FMNL2: variants seen among roughly 807,000 people sequenced by gnomAD.
FMNL2 encodes the protein formin-like protein 2.
In FMNL2, 51 loss-of-function variants were observed where a neutral mutation model predicts 130.2. That is an observed-to-expected ratio of 0.39 (90% CI 0.31 to 0.49). The LOEUF (loss-of-function observed/expected upper bound fraction) is 0.49, where lower values mean the gene tolerates loss of function less well. FMNL2 is among the 20% of genes least tolerant of loss of function. The pLI is 0.85. For missense variants in FMNL2, 977 were observed against 1,316.2 expected (o/e 0.74, Z 3.99); for synonymous variants, 465 against 467.1 (o/e 1.00, Z 0.06).
At chr2:152,350,049 A>G (rs1195672332) in intron 1 of FMNL2, among the ~76,000 whole-genome samples, 1 of 152,180 alleles carries the variant, frequency 6.6e-6, no homozygotes, top group Non-Finnish European at 1.5e-5. Context: ...AAGGGGATGC[A>G]CAGGTACAGA....
chr2:152,507,539 G>A (rs761368051), intron 1 of FMNL2, among the ~76,000 whole-genome samples: 2 of 152,184 alleles, frequency 1.3e-5, no homozygotes, highest in African/African-American at 2.4e-5. Flanking sequence ...TCCGCTTGGA[G>A]TAGATACTGT....
intron 1 of FMNL2, chr2:152,390,651 C>T: frequency 3.6e-6 from 3 of 829,794 alleles, no homozygotes; most frequent in Non-Finnish European, 6.4e-6. Context: ...GCTTTTTCCT[C>T]CCTGAACTCT....
At chr2:152,525,163 A>G (rs1444070643) in intron 2 of FMNL2, among the ~76,000 whole-genome samples, 1 of 152,198 alleles carries the variant, frequency 6.6e-6, no homozygotes, top group African/African-American at 2.4e-5. Context: ...GTTGCCTGTT[A>G]TACCAGGGAT....
At chr2:152,350,120 G>A (rs1350752982) in intron 1 of FMNL2, among the ~76,000 whole-genome samples, 1 of 152,182 alleles carries the variant, frequency 6.6e-6, no homozygotes, top group Non-Finnish European at 1.5e-5. Flanking sequence ...ATGTGAAGTG[G>A]TGTCATCCCG....
intron 1 of FMNL2, among the ~76,000 whole-genome samples, chr2:152,378,383 G>A (rs1041057499): frequency 2.6e-5 from 4 of 152,088 alleles, no homozygotes; most frequent in African/African-American, 9.7e-5. Flanking sequence ...GAATACCAGT[G>A]GTTTTCTTAG....
At chr2:152,579,159 C>T (rs779010499) in intron 8 of FMNL2, among the ~76,000 whole-genome samples, 195 bp downstream of exon 8, 2 of 152,174 alleles carry the variant, frequency 1.3e-5, no homozygotes, top group South Asian at 2.1e-4. Context: ...AGTTGAGCAA[C>T]TGGTGACAAT....
At chr2:152,480,881 GC>G (rs1437491190) in intron 1 of FMNL2, among the ~76,000 whole-genome samples, 1 of 152,114 alleles carries the variant, frequency 6.6e-6, no homozygotes, top group African/African-American at 2.4e-5. Context: ...GTGAAATGAA[GC>G]CTGGTGTTTT....
intron 2 of FMNL2, among the ~76,000 whole-genome samples, chr2:152,528,941 T>C (rs1276789024): frequency 6.6e-6 from 1 of 152,136 alleles, no homozygotes; most frequent in African/African-American, 2.4e-5. Flanking sequence ...CTGGGAAGTC[T>C]GTGGGCCAGG....
intron 2 of FMNL2, among the ~76,000 whole-genome samples, chr2:152,526,997 A>T (rs1370488233): frequency 6.6e-6 from 1 of 152,138 alleles, no homozygotes; most frequent in African/African-American, 2.4e-5. Context: ...ATAATCTGGT[A>T]CAGGATCAGT....
chr2:152,622,130 G>C (rs1384990421), intron 15 of FMNL2, among the ~76,000 whole-genome samples: 1 of 152,142 alleles, frequency 6.6e-6, no homozygotes, highest in Non-Finnish European at 1.5e-5. Context: ...CTTTCCCCCG[G>C]TAGGTCACCT....
chr2:152,525,045 A>G (rs1329529613), intron 2 of FMNL2, among the ~76,000 whole-genome samples: 1 of 152,146 alleles, frequency 6.6e-6, no homozygotes, highest in East Asian at 1.9e-4. Context: ...TTTATAGATG[A>G]TGAAACTGAG....
chr2:152,391,399 C>T (rs1214346969), intron 1 of FMNL2, among the ~76,000 whole-genome samples: 1 of 152,168 alleles, frequency 6.6e-6, no homozygotes, highest in African/African-American at 2.4e-5. Flanking sequence ...TAAAGCATAA[C>T]TGAAGGCAGT....
chr2:152,518,784 G>A (rs1692915519), intron 1 of FMNL2, among the ~76,000 whole-genome samples: 1 of 152,154 alleles, frequency 6.6e-6, no homozygotes, highest in South Asian at 2.1e-4. Flanking sequence ...CACTTGAACT[G>A]CTTAGTCCTG....
chr2:152,582,709 T>C (rs2105733434), intron 9 of FMNL2, among the ~76,000 whole-genome samples: 1 of 152,298 alleles, frequency 6.6e-6, no homozygotes. Context: ...GAAGTATGTT[T>C]GGGTGGATGG....
At chr2:152,360,184 G>T (rs1683080368) in intron 1 of FMNL2, among the ~76,000 whole-genome samples, 2 of 152,204 alleles carry the variant, frequency 1.3e-5, no homozygotes, top group Non-Finnish European at 2.9e-5. Flanking sequence ...TTGCTCTTCA[G>T]ATGTATCTTA....
rs567559340 is a variant in FMNL2 at position 152,637,035 on chromosome 2, A to G, written c.2844+445A>G. Among the ~76,000 whole-genome samples the G allele has an allele frequency of 6.8e-4, 103 of 152,278 alleles. 1 individual carries two copies. Among genetic ancestry groups the G allele is most frequent in the Admixed American group, 1.2e-3 (18 of 15,298 alleles). ...TACGCTATCAGAAGAGGCAGAGGCA[A>G]AGTTGGGGGATGGGGACTCAGAAAG... is the stretch of plus-strand genomic sequence containing the variant. On this transcript the variant is annotated intron_variant, in intron 22 of 25. Transcript: ENST00000288670.
At chr2:152,521,630 G>T (rs1238436862) in intron 1 of FMNL2, among the ~76,000 whole-genome samples, 1 of 152,100 alleles carries the variant, frequency 6.6e-6, no homozygotes, top group Non-Finnish European at 1.5e-5. Flanking sequence ...TGGATACCTT[G>T]TGACCTTTTT....
At chr2:152,570,016 A>G (rs1450349239) in intron 6 of FMNL2, among the ~76,000 whole-genome samples, 2 of 151,766 alleles carry the variant, frequency 1.3e-5, no homozygotes, top group Non-Finnish European at 2.9e-5. Flanking sequence ...GTCTCAAAAA[A>G]AAAAGAAAAG....
intron 1 of FMNL2, among the ~76,000 whole-genome samples, chr2:152,478,256 T>A (rs1208498634): frequency 4.4e-4 from 61 of 137,866 alleles, no homozygotes; most frequent in African/African-American, 1.7e-3. Flanking sequence ...ATATATTTTT[T>A]TTTTTTTTTT....
Sources: allele counts gnomAD v4.1 joint callset (sites outside exome capture counted in the v4.1 genomes callset), GRCh38; gene constraint gnomAD v4.1.1; transcripts MANE v1.5; gene names NCBI Gene and HGNC (gene_info 2026-07-23, HGNC 2026-07-21).